ITGBL1: variants seen among roughly 807,000 people sequenced by gnomAD.
ITGBL1 encodes the protein integrin subunit beta like 1, also known as integrin beta-like protein 1.
Under a neutral mutation model 68.5 loss-of-function variants are expected in ITGBL1, and 51 were observed. That is an observed-to-expected ratio of 0.74 (90% CI 0.59 to 0.94). ITGBL1 has a LOEUF of 0.94. Among genes scored for constraint, ITGBL1 ranks in the 40% least tolerant of loss-of-function variants. ITGBL1 has a pLI of 0.00. For missense variants in ITGBL1, 649 were observed against 647.4 expected, an observed-to-expected ratio of 1.00 and a Z score of -0.03; for synonymous variants, 209 against 227.3, an observed-to-expected ratio of 0.92 and a Z score of 0.72.
intron 7 of ITGBL1, among the ~76,000 whole-genome samples, chr13:101,676,290 T>C (rs1360364482): frequency 1.3e-5 from 2 of 152,146 alleles, no homozygotes; most frequent in Non-Finnish European, 2.9e-5. Flanking sequence ...TGATATGATC[T>C]TCCTTGAGGG....
Position 101,681,808 on chromosome 13 carries a change from G to A in ITGBL1, c.1016-10777G>A, listed in dbSNP as rs1347043446. On this transcript the variant is annotated intron_variant, in intron 7 of 10. Coordinates refer to ENST00000376180, the MANE Select transcript of ITGBL1 (RefSeq NM_004791.3). ...GGTGTGTGTCTGTGTGTGTGTGGGT[G>A]TGCGCATGTGCGCATGTGTGTATAT... is the stretch of plus-strand genomic sequence containing the variant. 2.0e-5 allele frequency among the ~76,000 whole-genome samples: 3 copies of A among 152,100 alleles called. No homozygotes were observed. The South Asian group carries it at 6.2e-4, about 31-fold the overall frequency.
intron 7 of ITGBL1, among the ~76,000 whole-genome samples, chr13:101,664,553 T>C (rs554500409): frequency 1.3e-5 from 2 of 152,310 alleles, no homozygotes; most frequent in East Asian, 3.9e-4. Context: ...ACTGTTTAAA[T>C]GCAGTTGGGA....
At chr13:101,583,663 G>C (rs2050503041) in intron 6 of ITGBL1, among the ~76,000 whole-genome samples, 1 of 151,980 alleles carries the variant, frequency 6.6e-6, no homozygotes, top group African/African-American at 2.4e-5. Context: ...CATCTACTAT[G>C]TACCCACAAA....
chr13:101,504,087 A>G (rs536864461), intron 2 of ITGBL1, among the ~76,000 whole-genome samples: 1 of 152,334 alleles, frequency 6.6e-6, no homozygotes, highest in South Asian at 2.1e-4. Context: ...TGAACTGTAA[A>G]TGAAGACATA....
chr13:101,595,752 G>A (rs115890207), intron 6 of ITGBL1, among the ~76,000 whole-genome samples: 1,686 of 152,250 alleles, frequency 0.011, 37 homozygotes, highest in African/African-American at 0.039. Context: ...TGGTGAGGAT[G>A]TAAATTGATA....
At chr13:101,488,791 A>C (rs750416758) in intron 2 of ITGBL1, among the ~76,000 whole-genome samples, 69 of 152,202 alleles carry the variant, frequency 4.5e-4, no homozygotes, top group Non-Finnish European at 9.7e-4. Context: ...GACTCATTAA[A>C]GATTAAAGAA....
chr13:101,645,036 G>A (rs2032513801), intron 7 of ITGBL1, among the ~76,000 whole-genome samples: 1 of 152,162 alleles, frequency 6.6e-6, no homozygotes, highest in African/African-American at 2.4e-5. Flanking sequence ...CTCAATAACA[G>A]ACACACCCCC....
chr13:101,684,853 A>AT (rs1566789975), intron 7 of ITGBL1, among the ~76,000 whole-genome samples: 2 of 151,832 alleles, frequency 1.3e-5, no homozygotes, highest in East Asian at 3.9e-4. Flanking sequence ...ATCCTTTAAC[A>AT]TTTTTTCTCT....
At chr13:101,641,901 T>C (rs1412632164) in intron 7 of ITGBL1, among the ~76,000 whole-genome samples, 1 of 152,012 alleles carries the variant, frequency 6.6e-6, no homozygotes, top group African/African-American at 2.4e-5. Flanking sequence ...CTCATCCTTT[T>C]TTATGGCTAC....
At chr13:101,544,244 T>C (rs2049772710) in intron 2 of ITGBL1, among the ~76,000 whole-genome samples, 1 of 152,210 alleles carries the variant, frequency 6.6e-6, no homozygotes, top group African/African-American at 2.4e-5. Context: ...GTGGATGTCC[T>C]TTCTGTTTGT....
intron 2 of ITGBL1, among the ~76,000 whole-genome samples, chr13:101,462,540 C>T (rs778461304): frequency 1.2e-4 from 19 of 152,138 alleles, no homozygotes; most frequent in Non-Finnish European, 2.6e-4. Context: ...TCCTTCTTTT[C>T]CGAGGTTATC....
intron 2 of ITGBL1, among the ~76,000 whole-genome samples, chr13:101,527,566 C>T (rs777311024): frequency 6.4e-4 from 97 of 151,920 alleles, no homozygotes; most frequent in Non-Finnish European, 1.3e-3. Flanking sequence ...TGTTTTGTTT[C>T]TCTTGAGTAA....
At chr13:101,572,823 T>G (rs2050294812) in intron 3 of ITGBL1, among the ~76,000 whole-genome samples, 1 of 152,008 alleles carries the variant, frequency 6.6e-6, no homozygotes, top group Admixed American at 6.6e-5. Flanking sequence ...TTCCCATCTT[T>G]CCTGAAAAAA....
chr13:101,566,410 A>G (rs920677659), intron 2 of ITGBL1, among the ~76,000 whole-genome samples: 27 of 152,184 alleles, frequency 1.8e-4, no homozygotes, highest in Non-Finnish European at 3.1e-4. Context: ...GCAGGAATGC[A>G]AAATGATGCA....
At chr13:101,657,740 C>T (rs1398108657) in intron 7 of ITGBL1, among the ~76,000 whole-genome samples, 1 of 152,046 alleles carries the variant, frequency 6.6e-6, no homozygotes, top group African/African-American at 2.4e-5. Flanking sequence ...CTACATGTTC[C>T]GTAAAATACC....
At chr13:101,497,832 C>T (rs929204105) in intron 2 of ITGBL1, among the ~76,000 whole-genome samples, 1 of 151,662 alleles carries the variant, frequency 6.6e-6, no homozygotes, top group Non-Finnish European at 1.5e-5. Flanking sequence ...TATTTTGTCT[C>T]TTCTCAGTAC....
At chr13:101,554,586 T>C (rs1220380034) in intron 2 of ITGBL1, among the ~76,000 whole-genome samples, 1 of 152,192 alleles carries the variant, frequency 6.6e-6, no homozygotes, top group African/African-American at 2.4e-5. Context: ...TGTGGAACAT[T>C]TGGTGGCCTA....
chr13:101,567,877 T>A, intron 3 of ITGBL1, 32 bp downstream of exon 3: 2 of 1,576,948 alleles, frequency 1.3e-6, no homozygotes, highest in Non-Finnish European at 1.7e-6. Context: ...AATTGTTAAG[T>A]GGAATAATCA....
At chr13:101,486,588 G>A (rs1466673357) in intron 2 of ITGBL1, among the ~76,000 whole-genome samples, 1 of 152,170 alleles carries the variant, frequency 6.6e-6, no homozygotes, top group Non-Finnish European at 1.5e-5. Context: ...GGTTACTGGG[G>A]AAATAAAGAC....
Sources: allele counts gnomAD v4.1 joint callset (sites outside exome capture counted in the v4.1 genomes callset), GRCh38; gene constraint gnomAD v4.1.1; transcripts MANE v1.5; gene names NCBI Gene and HGNC (gene_info 2026-07-23, HGNC 2026-07-21).